BIN3: variants seen among roughly 807,000 people sequenced by gnomAD.
BIN3 encodes bridging integrator 3.
Under a neutral mutation model 38.2 loss-of-function variants are expected in BIN3, and 41 were observed. The observed-to-expected ratio is 1.07, with a 90% CI of 0.84 to 1.39. BIN3 has a LOEUF of 1.39. Among genes scored for constraint, BIN3 ranks in the 40% most tolerant of loss-of-function variants. The probability of loss-of-function intolerance (pLI) is 0.00; values close to 1 mark genes in which losing one functional copy is unlikely to be tolerated. For synonymous variants in BIN3, 145 were observed against 122.6 expected (o/e 1.18, Z -1.21); for missense variants, 361 against 324.3 (o/e 1.11, Z -0.87).
Position 22,624,024 on chromosome 8 carries a change from C to T in BIN3, c.506G>A (p.Arg169Gln), listed in dbSNP as rs372409275. Residue 169 changes from arginine to glutamine, a missense_variant, in exon 8 of 9, where the codon CGG (arginine) becomes CAG (glutamine). By Grantham distance (43) the Arg-to-Gln change is conservative (BLOSUM62 1). Coordinates refer to ENST00000276416, the MANE Select transcript of BIN3 (RefSeq NM_018688.6). ...CCTGTTCTTGGCTTCAAAGTCCTCC[C>T]GCACAGGCCGCAGCTCCTCTCGTGC... ...HQAREELRPV[R>Q]EDFEAKNRQL... 2.0e-5 allele frequency: 32 copies of T among 1,613,204 alleles called. 1 individual carries two copies. In the South Asian group the frequency reaches 2.3e-4, roughly 12 times the overall value.
At chr8:22,651,755 T>C (rs531443694) in intron 1 of BIN3, among the ~76,000 whole-genome samples, 1 of 152,366 alleles carries the variant, frequency 6.6e-6, no homozygotes, top group East Asian at 1.9e-4. Context: ...TTTGTCACGG[T>C]GTTGTATAAT....
At chr8:22,654,346 A>G (rs1342078402) in intron 1 of BIN3, among the ~76,000 whole-genome samples, 1 of 152,208 alleles carries the variant, frequency 6.6e-6, no homozygotes. Flanking sequence ...TTTATTTTTA[A>G]ATAACATACC....
intron 1 of BIN3, among the ~76,000 whole-genome samples, chr8:22,645,159 T>A: frequency 7.0e-6 from 1 of 143,754 alleles, no homozygotes; most frequent in African/African-American, 2.7e-5. Context: ...AGCAAGACCC[T>A]ATCTCCAAAA....
intron 4 of BIN3, among the ~76,000 whole-genome samples, chr8:22,631,340 C>T (rs1030453169): frequency 2.0e-5 from 3 of 152,088 alleles, no homozygotes; most frequent in Non-Finnish European, 4.4e-5. Context: ...TGTTCCTGCT[C>T]CCCCAGAATT....
intron 6 of BIN3, among the ~76,000 whole-genome samples, chr8:22,627,498 A>G (rs1441020046): frequency 6.6e-6 from 1 of 152,036 alleles, no homozygotes; most frequent in Non-Finnish European, 1.5e-5. Context: ...GGAGGTGGAG[A>G]CGTGCACAGG....
At chr8:22,655,808 G>C (rs1803040704) in intron 1 of BIN3, among the ~76,000 whole-genome samples, 1 of 152,210 alleles carries the variant, frequency 6.6e-6, no homozygotes, top group Middle Eastern at 3.4e-3. Context: ...GCTGCATTTA[G>C]AGTTTGAGTG....
At chr8:22,626,165 G>A (rs1801997864) in intron 6 of BIN3, 1 of 152,294 alleles carries the variant, frequency 6.6e-6, no homozygotes, top group Admixed American at 6.5e-5. Context: ...CTTAGACATA[G>A]TAATCAAACC....
chr8:22,636,378 AGT>A (rs3832562), intron 4 of BIN3, 145 bp downstream of exon 4: 1 of 756,320 alleles, frequency 1.3e-6, no homozygotes, highest in Admixed American at 2.3e-5. Flanking sequence ...ACTGGTGAGG[AGT>A]GACTGCCCTG....
At chr8:22,642,899 C>T (rs995976135) in intron 2 of BIN3, among the ~76,000 whole-genome samples, 2 of 152,106 alleles carry the variant, frequency 1.3e-5, no homozygotes, top group African/African-American at 4.8e-5. Context: ...GAGACAGATG[C>T]GAGGAAGGGA....
Position 22,648,444 on chromosome 8 carries a change from T to TAAC in BIN3, c.9-3642_9-3641insGTT, listed in dbSNP as rs138479110. On this transcript the variant is annotated intron_variant, in intron 1 of 8. Transcript: ENST00000276416. The stretch of plus-strand genomic sequence containing the variant: ...CTGCTTTTGATGACCATGCCAGTTT[T>TAAC]AAGTGCTGGTCAGGCATTTTACAGA... Among the ~76,000 whole-genome samples the TAAC allele has an allele frequency of 2.6e-4, 39 of 152,092 alleles. 1 individual carries two copies. The highest frequency in any genetic ancestry group is 1.5e-5 in the Non-Finnish European group (1 of 68,028).
chr8:22,651,024 C>A (rs139956812), intron 1 of BIN3, among the ~76,000 whole-genome samples: 187 of 152,202 alleles, frequency 1.2e-3, no homozygotes, highest in Non-Finnish European at 2.4e-3. Context: ...CAGTTGTAGC[C>A]GATGTACTGA....
At chr8:22,655,038 T>A (rs1403217531) in intron 1 of BIN3, among the ~76,000 whole-genome samples, 1 of 152,248 alleles carries the variant, frequency 6.6e-6, no homozygotes, top group Non-Finnish European at 1.5e-5. Context: ...ATTTCTGATG[T>A]GCATTTCTCT....
At chr8:22,649,312 G>A (rs1365340354) in intron 1 of BIN3, among the ~76,000 whole-genome samples, 1 of 152,234 alleles carries the variant, frequency 6.6e-6, no homozygotes, top group South Asian at 2.1e-4. Context: ...AAACGTCAAA[G>A]ACTTATTTGG....
intron 1 of BIN3, among the ~76,000 whole-genome samples, chr8:22,655,746 C>T (rs770379794): frequency 1.3e-5 from 2 of 151,966 alleles, no homozygotes; most frequent in African/African-American, 2.4e-5. Context: ...ATTGTGTGTC[C>T]CTTGCATTTC....
At chr8:22,663,420 G>A (rs1199262199) in intron 1 of BIN3, among the ~76,000 whole-genome samples, 1 of 140,770 alleles carries the variant, frequency 7.1e-6, no homozygotes, top group Non-Finnish European at 1.5e-5. Flanking sequence ...CTGGGCAACA[G>A]TGAGACCCCC....
intron 4 of BIN3, among the ~76,000 whole-genome samples, chr8:22,636,049 T>C (rs1052089603): frequency 3.3e-5 from 5 of 152,190 alleles, no homozygotes; most frequent in Non-Finnish European, 7.3e-5. Context: ...CCCTTTGTCA[T>C]CATAGAATTA....
At chr8:22,659,526 G>A (rs1438394250) in intron 1 of BIN3, among the ~76,000 whole-genome samples, 3 of 152,204 alleles carry the variant, frequency 2.0e-5, no homozygotes, top group Non-Finnish European at 4.4e-5. Context: ...TAAGTCACAC[G>A]AGAGCTGGGC....
chr8:22,667,570 G>T (rs1002542888), intron 1 of BIN3, among the ~76,000 whole-genome samples: 29 of 152,230 alleles, frequency 1.9e-4, no homozygotes, highest in African/African-American at 7.0e-4. Context: ...GAATGACACT[G>T]AAAGGACGTA....
intron 8 of BIN3, among the ~76,000 whole-genome samples, chr8:22,621,811 C>T (rs1435162703): frequency 6.6e-6 from 1 of 152,132 alleles, no homozygotes; most frequent in Non-Finnish European, 1.5e-5. Context: ...CTCCTGGTTC[C>T]CCCAGCAGCA....
Sources: gnomAD v4.1 joint callset for allele counts (sites outside exome capture counted in the v4.1 genomes callset) on GRCh38, gnomAD v4.1.1 for gene constraint, MANE v1.5 for transcripts, NCBI Gene and HGNC (gene_info 2026-07-23, HGNC 2026-07-21) for gene names.